Variants in SCP2 observed in about 807,000 individuals in gnomAD.
SCP2 encodes SCP-2/3-oxoacyl-CoA thiolase.
Under a neutral mutation model 71.4 loss-of-function variants are expected in SCP2, and 48 were observed. That is an observed-to-expected ratio of 0.67 (90% confidence interval 0.53 to 0.86). The LOEUF is 0.86. Ranked by LOEUF, SCP2 falls within the 40% of genes least tolerant of loss-of-function variation. The pLI is 0.00. For missense variants in SCP2, 560 were observed against 655.6 expected (o/e 0.85, Z 1.59); for synonymous variants, 220 against 218.1 (o/e 1.01, Z -0.08).
At chr1:52,999,860 A>G (rs138076298) in intron 11 of SCP2, among the ~76,000 whole-genome samples, 1,379 of 131,632 alleles carry the variant, frequency 0.01, 31 homozygotes, top group African/African-American at 0.039. Flanking sequence ...TCTGTTGCCC[A>G]GGCTGGAGTA....
chr1:52,954,077 G>A (rs892401849), intron 4 of SCP2, among the ~76,000 whole-genome samples: 7 of 150,960 alleles, frequency 4.6e-5, no homozygotes, highest in Admixed American at 1.3e-4. Context: ...TTGGGAGGTC[G>A]GGGTGGACAG....
intron 13 of SCP2, among the ~76,000 whole-genome samples, chr1:53,038,114 C>CCAG (rs1663149344): frequency 6.6e-6 from 1 of 151,496 alleles, no homozygotes; most frequent in African/African-American, 2.4e-5. Context: ...CCACTGCACT[C>CCAG]CAGCCTGGGT....
chr1:52,982,157 G>T (rs1280754997), intron 10 of SCP2, among the ~76,000 whole-genome samples: 2 of 151,980 alleles, frequency 1.3e-5, no homozygotes, highest in Non-Finnish European at 1.5e-5. Flanking sequence ...CTTGTGCATG[G>T]TAGGATATTC....
intron 11 of SCP2, among the ~76,000 whole-genome samples, chr1:53,012,181 C>A (rs971785099): frequency 3.9e-5 from 6 of 152,314 alleles, no homozygotes; most frequent in South Asian, 2.1e-4. Flanking sequence ...GGTCATAAGA[C>A]CCCCATTCCA....
intron 6 of SCP2, among the ~76,000 whole-genome samples, chr1:52,970,063 C>T (rs1037441510): frequency 3.3e-5 from 5 of 152,054 alleles, no homozygotes; most frequent in Non-Finnish European, 7.4e-5. Flanking sequence ...TTTTCATTAT[C>T]ATTATTTTCT....
At chr1:52,951,110 C>T (rs1000730496) in intron 4 of SCP2, among the ~76,000 whole-genome samples, 10 of 151,890 alleles carry the variant, frequency 6.6e-5, no homozygotes, top group African/African-American at 2.4e-4. Flanking sequence ...AACAAAACCC[C>T]GTCTCTACAA....
At chr1:53,044,277 T>G (rs7535299) in intron 14 of SCP2, among the ~76,000 whole-genome samples, 14,686 of 152,136 alleles carry the variant, frequency 0.097, 1,398 homozygotes, top group African/African-American at 0.21. Flanking sequence ...AGGCTAGTCT[T>G]GAACTCCTGA....
chr1:53,025,646 A>G (rs149721975), intron 12 of SCP2, among the ~76,000 whole-genome samples: 93 of 151,990 alleles, frequency 6.1e-4, no homozygotes, highest in African/African-American at 2.2e-3. Context: ...TTCTATTTCT[A>G]TTTTGAATCT....
At chr1:52,954,719 A>G (rs1317976436) in intron 4 of SCP2, 21 bp from the exon 5 acceptor site, 1 of 1,606,532 alleles carries the variant, frequency 6.2e-7, no homozygotes, top group East Asian at 2.2e-5. Context: ...AATTTTCAAA[A>G]TAATTACGTT....
At chr1:53,000,496 C>T (rs1366624032) in intron 11 of SCP2, among the ~76,000 whole-genome samples, 2 of 152,068 alleles carry the variant, frequency 1.3e-5, no homozygotes, top group Non-Finnish European at 2.9e-5. Context: ...GGCCTCTGTG[C>T]CTTTCCATAG....
intron 12 of SCP2, among the ~76,000 whole-genome samples, chr1:53,026,695 A>G (rs1572205910): frequency 1.3e-5 from 2 of 152,120 alleles, no homozygotes; most frequent in East Asian, 3.9e-4. Flanking sequence ...CTATAGTCCC[A>G]GCTTACTTGG....
intron 11 of SCP2, among the ~76,000 whole-genome samples, chr1:53,012,292 A>G (rs1661035365): frequency 6.6e-6 from 1 of 152,246 alleles, no homozygotes; most frequent in Admixed American, 6.5e-5. Context: ...CACTCAGTCT[A>G]TTAGCATTAG....
intron 10 of SCP2, among the ~76,000 whole-genome samples, chr1:52,984,623 C>T (rs934458440): frequency 3.3e-5 from 5 of 151,750 alleles, no homozygotes; most frequent in Admixed American, 6.6e-5. Context: ...CCACAACCTC[C>T]GCTACCTGGG....
At chr1:53,038,653 C>T (rs529397541) in intron 13 of SCP2, among the ~76,000 whole-genome samples, 2 of 152,252 alleles carry the variant, frequency 1.3e-5, no homozygotes, top group South Asian at 2.1e-4. Flanking sequence ...GATCCCCCCA[C>T]CTCTGCCTCC....
intron 7 of SCP2, among the ~76,000 whole-genome samples, chr1:52,976,244 A>G (rs559234511): frequency 5.9e-5 from 9 of 152,212 alleles, no homozygotes; most frequent in African/African-American, 1.7e-4. Flanking sequence ...ATGCTAGATT[A>G]AATCACTGGC....
At chr1:52,995,049 G>A in intron 11 of SCP2, 2 of 503,106 alleles carry the variant, frequency 4.0e-6, no homozygotes, top group East Asian at 1.0e-4. Context: ...ACTACATAGA[G>A]GGGGCCAAGC....
chr1:52,960,679 T>C (rs1251059014), intron 5 of SCP2, among the ~76,000 whole-genome samples: 1 of 148,950 alleles, frequency 6.7e-6, no homozygotes, highest in African/African-American at 2.5e-5. Flanking sequence ...TATGTGTATA[T>C]ATATGTATAT....
At chr1:52,985,730 T>C (rs891707610) in intron 10 of SCP2, among the ~76,000 whole-genome samples, 2 of 152,224 alleles carry the variant, frequency 1.3e-5, no homozygotes, top group African/African-American at 2.4e-5. Flanking sequence ...TGCAGCCACA[T>C]TGGCTTCCTT....
intron 13 of SCP2, among the ~76,000 whole-genome samples, chr1:53,032,516 G>T (rs1662623572): frequency 6.6e-6 from 1 of 152,182 alleles, no homozygotes; most frequent in African/African-American, 2.4e-5. Context: ...CTGGGATGGG[G>T]TATGAGTAAG....
Sources: allele counts gnomAD v4.1 joint callset (sites outside exome capture counted in the v4.1 genomes callset), GRCh38; gene constraint gnomAD v4.1.1; transcripts MANE v1.5; gene names NCBI Gene and HGNC (gene_info 2026-07-23, HGNC 2026-07-21).